The following TAF2 variants were observed in gnomAD, a reference collection of about 807,000 sequenced individuals.
The protein encoded by TAF2 is transcription initiation factor TFIID subunit 2.
In TAF2, 61 loss-of-function variants were observed where a neutral mutation model predicts 138.5. The ratio of observed to expected loss-of-function variants is 0.44; its 90% confidence interval spans 0.36 to 0.54. The LOEUF is 0.54. Ranked by LOEUF, TAF2 falls within the 20% of genes least tolerant of loss-of-function variation. The pLI is 0.00. For synonymous variants in TAF2, 475 were observed against 469.9 expected (o/e 1.01, Z -0.14); for missense variants, 1,090 against 1,427.9 (o/e 0.76, Z 3.81).
At chr8:119,747,067 G>T in intron 22 of TAF2, 133 bp from the exon 23 acceptor site, 1 of 917,214 alleles carries the variant, frequency 1.1e-6, no homozygotes, top group Non-Finnish European at 1.7e-6. Context: ...CTTACAAAAT[G>T]AATACTAGAC....
rs762883368 is a variant in TAF2 at position 119,742,558 on chromosome 8, A to T, written c.3313T>A (p.Leu1105Met). Residue 1105 changes from leucine to methionine, a missense_variant, in exon 25 of 26, where the codon TTG becomes ATG. Transcript: ENST00000378164. The part of the protein sequence containing the change: ...STPTTKPQWS[L>M]ELARKGTGKE... ...CCTGTTCCCTTCCGTGCAAGTTCCA[A>T]ACTCCACTGGGGTTTTGTGGTGGGT... 1 of 1,613,866 alleles carries T rather than the reference A, an allele frequency of 6.2e-7. No homozygotes were observed. The highest frequency in any genetic ancestry group is 1.7e-5 in the Admixed American group (1 of 59,966).
intron 3 of TAF2, among the ~76,000 whole-genome samples, chr8:119,818,090 T>C (rs796870907): frequency 1.1e-4 from 16 of 152,368 alleles, no homozygotes; most frequent in African/African-American, 3.8e-4. Context: ...CCAATGATTA[T>C]TGGGACCATA....
intron 15 of TAF2, 57 bp downstream of exon 15, chr8:119,785,144 T>G (rs546938096): frequency 3.6e-6 from 5 of 1,405,528 alleles, no homozygotes; most frequent in African/African-American, 2.8e-5. Flanking sequence ...CATAACAAAG[T>G]AGACAGATGA....
At chr8:119,742,724 G>A (rs1456394018) in intron 24 of TAF2, 68 bp from the exon 25 acceptor site, 9 of 1,576,562 alleles carry the variant, frequency 5.7e-6, no homozygotes, top group African/African-American at 4.1e-5. Context: ...AAAAAAGGCT[G>A]ACAGGTTTTT....
At chr8:119,757,703 C>T (rs1168829645) in intron 21 of TAF2, among the ~76,000 whole-genome samples, 1 of 151,920 alleles carries the variant, frequency 6.6e-6, no homozygotes, top group Non-Finnish European at 1.5e-5. Flanking sequence ...CGAGACCAGC[C>T]TGGCCAACAT....
rs112007210 is a variant in TAF2, at chr8:119,733,780, G to GCCC, written c.3338-1597_3338-1595dup. 3.3e-4 allele frequency among the ~76,000 whole-genome samples: 49 copies of GCCC among 149,160 alleles called. No homozygotes were observed. In the South Asian group the frequency reaches 3.9e-3, roughly 12 times the overall value. ...ATTCTCATAAATATCTCTTAAATCC[G>GCCC]CCCCCCCCCATCCTAATCCTGTCTG... On this transcript the variant is annotated intron_variant, in intron 25 of 25. Transcript: ENST00000378164.
chr8:119,756,455 T>C (rs771733557), intron 21 of TAF2, among the ~76,000 whole-genome samples: 1 of 152,092 alleles, frequency 6.6e-6, no homozygotes, highest in Non-Finnish European at 1.5e-5. Flanking sequence ...ATCTCTCCCA[T>C]CCCACTTTCT....
rs767744317 is a variant in TAF2, at chr8:119,806,244, T to C, written c.418+39A>G. ...AATTCTCTAGTGTCTGAATCTAACG[T>C]GATTTTAGTGTACAGTCAATATACT... On this transcript the variant is annotated intron_variant, in intron 4 of 25. Coordinates refer to ENST00000378164, the MANE Select transcript of TAF2 (RefSeq NM_003184.4). 3 of 1,525,608 alleles carry C rather than the reference T, an allele frequency of 2.0e-6. No homozygotes were observed. In the Admixed American group the frequency reaches 5.0e-5, roughly 26 times the overall value. 94.5% of individuals were successfully genotyped at this position (1,525,608 alleles called of 1,614,324 possible).
At chr8:119,734,919 T>TA (rs1388229561) in intron 25 of TAF2, among the ~76,000 whole-genome samples, 8 of 152,230 alleles carry the variant, frequency 5.3e-5, no homozygotes, top group African/African-American at 1.4e-4. Flanking sequence ...AAGAACATCT[T>TA]AGTTTCTTCA....
chr8:119,792,108 A>G (rs1458363425), intron 10 of TAF2, among the ~76,000 whole-genome samples: 2 of 151,626 alleles, frequency 1.3e-5, no homozygotes, highest in East Asian at 1.9e-4. Flanking sequence ...ACATGTGCAA[A>G]TATTTCTGTA....
chr8:119,773,942 C>T (rs1348755814), intron 18 of TAF2, among the ~76,000 whole-genome samples: 8 of 151,738 alleles, frequency 5.3e-5, no homozygotes, highest in South Asian at 4.1e-4. Context: ...GAGGCCAAGG[C>T]GGGTGGATCA....
chr8:119,749,478 T>C (rs1392069317), intron 22 of TAF2, among the ~76,000 whole-genome samples: 1 of 152,216 alleles, frequency 6.6e-6, no homozygotes, highest in Non-Finnish European at 1.5e-5. Flanking sequence ...CAAAATTTCA[T>C]TGTATTTCAA....
Position 119,742,425 on chromosome 8 carries a change from C to T in TAF2, c.3337+109G>A, listed in dbSNP as rs749980191. The T allele has an allele frequency of 2.3e-4, 321 of 1,424,394 alleles. 1 individual carries two copies. Among genetic ancestry groups the T allele is most frequent in the Non-Finnish European group, 3.0e-4 (309 of 1,042,558 alleles). 88.2% of individuals were successfully genotyped at this position (1,424,394 alleles called of 1,614,324 possible). ...AATGTATTACAAGAAAAGCCAAGTC[C>T]TAAGATCTGTATTTTTAAAGGGTTT... On this transcript the variant is annotated intron_variant, in intron 25 of 25. Transcript: ENST00000378164.
intron 2 of TAF2, among the ~76,000 whole-genome samples, chr8:119,821,864 C>A (rs1256977869): frequency 6.6e-6 from 1 of 152,078 alleles, no homozygotes; most frequent in Non-Finnish European, 1.5e-5. Flanking sequence ...TAGCAAGACC[C>A]TATCTGTACA....
Position 119,806,279 on chromosome 8 carries a change from T to C in TAF2, c.418+4A>G. On this transcript the variant is annotated splice_donor_region_variant and intron_variant, in intron 4 of 25. Transcript: ENST00000378164. The stretch of plus-strand genomic sequence containing the variant: ...GTACAGTCAATATACTCTTGGTGCT[T>C]TACCATCAACGTGTTTCCATAGCTC... The C allele has an allele frequency of 1.9e-6, 3 of 1,610,944 alleles. No individual in the cohort carries two copies. Among genetic ancestry groups the C allele is most frequent in the Non-Finnish European group, 2.5e-6 (3 of 1,177,208 alleles).
At chr8:119,827,012 G>A (rs1586555744) in intron 2 of TAF2, among the ~76,000 whole-genome samples, 1 of 152,228 alleles carries the variant, frequency 6.6e-6, no homozygotes, top group Non-Finnish European at 1.5e-5. Context: ...TAAGCAACAT[G>A]GCAAAACTCC....
At chr8:119,747,527 C>G (rs1303244511) in intron 22 of TAF2, among the ~76,000 whole-genome samples, 1 of 152,158 alleles carries the variant, frequency 6.6e-6, no homozygotes, top group Non-Finnish European at 1.5e-5. Context: ...ACACTAGAGG[C>G]AAGTTCTTTC....
At chr8:119,785,162 G>T in intron 15 of TAF2, 39 bp downstream of exon 15, 1 of 1,527,562 alleles carries the variant, frequency 6.5e-7, no homozygotes, top group East Asian at 2.3e-5. Context: ...TGAGAATGCA[G>T]AAAGTATTAT....
chr8:119,814,371 T>C (rs1456157413), intron 3 of TAF2, among the ~76,000 whole-genome samples: 1 of 152,046 alleles, frequency 6.6e-6, no homozygotes, highest in African/African-American at 2.4e-5. Flanking sequence ...CAATTTCTAT[T>C]ATGTGACATT....
Sources: gnomAD v4.1 joint callset for allele counts (sites outside exome capture counted in the v4.1 genomes callset) on GRCh38, gnomAD v4.1.1 for gene constraint, MANE v1.5 for transcripts, NCBI Gene and HGNC (gene_info 2026-07-23, HGNC 2026-07-21) for gene names.